The following ANK2 variants were observed in gnomAD, a reference collection of about 807,000 sequenced individuals.
ANK2 encodes ankyrin-2.
Under a neutral mutation model 360.5 loss-of-function variants are expected in ANK2, and 83 were observed. That is an observed-to-expected ratio of 0.23 (90% confidence interval 0.19 to 0.28). The LOEUF is 0.28. ANK2 is among the 10% of genes least tolerant of loss of function. ANK2 has a pLI of 1.00. For synonymous variants in ANK2, 1,740 were observed against 1,759.5 expected (o/e 0.99, Z 0.28); for missense variants, 4,201 against 4,795.7 (o/e 0.88, Z 3.66).
intron 1 of ANK2, among the ~76,000 whole-genome samples, chr4:112,819,352 A>G (rs2056333230): frequency 6.6e-6 from 1 of 152,184 alleles, no homozygotes; most frequent in African/African-American, 2.4e-5. Flanking sequence ...AAGCATTGGA[A>G]AATCTTTATT....
At chr4:113,140,235 A>G (rs2096587459) in intron 1 of ANK2, among the ~76,000 whole-genome samples, 1 of 152,222 alleles carries the variant, frequency 6.6e-6, no homozygotes, top group Non-Finnish European at 1.5e-5. Flanking sequence ...CCTTGGATTC[A>G]TGTGACTATG....
chr4:113,380,255 A>C (rs1237698961), intron 45 of ANK2, among the ~76,000 whole-genome samples: 2 of 123,438 alleles, frequency 1.6e-5, no homozygotes, highest in Admixed American at 1.6e-4. Flanking sequence ...ACTTTACTCT[A>C]AAAAAAAAAA....
At chr4:113,023,767 C>T (rs1446280042) in intron 2 of ANK2, among the ~76,000 whole-genome samples, 2 of 152,232 alleles carry the variant, frequency 1.3e-5, no homozygotes, top group East Asian at 1.9e-4. Context: ...ACAGCACCTA[C>T]ATCAGTTTCT....
chr4:112,890,241 A>T (rs897142702), intron 1 of ANK2, among the ~76,000 whole-genome samples: 1 of 152,206 alleles, frequency 6.6e-6, no homozygotes. Context: ...AAAGAGAAAG[A>T]GCTTTCTTTA....
At chr4:113,311,481 A>G (rs2079928155) in intron 24 of ANK2, 82 bp downstream of exon 24, 2 of 1,527,242 alleles carry the variant, frequency 1.3e-6, no homozygotes, top group South Asian at 2.3e-5. Context: ...ATGTAGATGC[A>G]ATTATTGAGC....
At chr4:112,999,731 A>G (rs2049946003) in intron 2 of ANK2, among the ~76,000 whole-genome samples, 1 of 151,290 alleles carries the variant, frequency 6.6e-6, no homozygotes, top group Non-Finnish European at 1.5e-5. Context: ...ATCATAGAGG[A>G]AAGGTTTTGG....
chr4:112,825,525 A>T (rs915660661), intron 1 of ANK2, among the ~76,000 whole-genome samples: 3 of 152,170 alleles, frequency 2.0e-5, no homozygotes, highest in African/African-American at 7.2e-5. Context: ...GAAGTATCAC[A>T]AGTAATGATA....
At chr4:112,819,802 A>T (rs950045362) in intron 1 of ANK2, among the ~76,000 whole-genome samples, 1 of 152,148 alleles carries the variant, frequency 6.6e-6, no homozygotes. Flanking sequence ...AGCTATATTC[A>T]TCTTGGAAAG....
chr4:112,958,187 C>G (rs974441175), intron 2 of ANK2, among the ~76,000 whole-genome samples: 16 of 151,980 alleles, frequency 1.1e-4, no homozygotes, highest in Admixed American at 3.9e-4. Context: ...ACTTCCCAGA[C>G]GGGGTGGCGG....
chr4:112,771,590 CTT>C, the ANK2 span, among the ~76,000 whole-genome samples: 30 of 147,338 alleles, frequency 2.0e-4, no homozygotes, highest in African/African-American at 7.0e-4. Flanking sequence ...GCTGGGGAAA[CTT>C]TTTTTTTTTT....
At chr4:112,962,125 G>A (rs1017561032) in intron 2 of ANK2, among the ~76,000 whole-genome samples, 2 of 152,046 alleles carry the variant, frequency 1.3e-5, no homozygotes, top group African/African-American at 2.4e-5. Context: ...ATGCAGGTTT[G>A]TTATGTGGAT....
rs775554199 is a variant in ANK2, at chr4:113,012,894, G to T, written c.21+108380G>T. Among the ~76,000 whole-genome samples, 17 of 152,116 alleles carry T rather than the reference G, an allele frequency of 1.1e-4. 1 individual carries two copies. The highest frequency in any genetic ancestry group is 1.0e-3 in the Admixed American group (16 of 15,272). ...TCTCACAGGCCTCTCATCCATAGAT[G>T]CCTATCACTGAGATCTGTATATTTT... On this transcript the variant is annotated intron_variant, in intron 2 of 30. Transcript: ENST00000503271.
intron 2 of ANK2, among the ~76,000 whole-genome samples, chr4:113,036,375 G>A (rs2061607264): frequency 6.6e-6 from 1 of 151,848 alleles, no homozygotes; most frequent in South Asian, 2.1e-4. Context: ...AAGAGATACA[G>A]AAACTGAGGA....
intron 1 of ANK2, among the ~76,000 whole-genome samples, chr4:112,892,162 G>C (rs562069010): frequency 2.9e-4 from 44 of 152,286 alleles, no homozygotes; most frequent in African/African-American, 1.0e-3. Flanking sequence ...CTCTGGGCCA[G>C]TGAAACAGTT....
rs569915263 is a variant in ANK2 at position 112,892,201 on chromosome 4, A to G, written c.-39-12254A>G. Among the ~76,000 whole-genome samples, 224 of 152,300 alleles carry G rather than the reference A, an allele frequency of 1.5e-3. 1 individual carries two copies. Among genetic ancestry groups the G allele is most frequent in the African/African-American group, 5.2e-3 (218 of 41,556 alleles). ...GATTCCAGGGGGAAGGAAGGGATGG[A>G]AATGGAAGAGGCCATTACACAAATG... On this transcript the variant is annotated intron_variant, in intron 1 of 30. Transcript: ENST00000503271.
chr4:113,149,168 C>T (rs141242448), intron 1 of ANK2: 67 of 152,158 alleles, frequency 4.4e-4, no homozygotes, highest in African/African-American at 1.6e-3. Flanking sequence ...CTGAAGTGAA[C>T]AAGGATGGAG....
At chr4:113,023,857 A>G (rs2058691449) in intron 2 of ANK2, among the ~76,000 whole-genome samples, 1 of 152,198 alleles carries the variant, frequency 6.6e-6, no homozygotes, top group African/African-American at 2.4e-5. Context: ...TTTTGATTTA[A>G]TCGTATGTAT....
At chr4:113,268,537 T>TGCC (rs1394805076) in intron 14 of ANK2, among the ~76,000 whole-genome samples, 1 of 152,222 alleles carries the variant, frequency 6.6e-6, no homozygotes, top group African/African-American at 2.4e-5. Context: ...TCTGTTTATG[T>TGCC]GATGGGTTAC....
intron 9 of ANK2, among the ~76,000 whole-genome samples, chr4:113,245,353 A>AG (rs2042281976): frequency 6.6e-6 from 1 of 152,218 alleles, no homozygotes; most frequent in Non-Finnish European, 1.5e-5. Flanking sequence ...AAATAGAAAA[A>AG]TGTTTATATT....
Sources: gnomAD v4.1 joint callset for allele counts (sites outside exome capture counted in the v4.1 genomes callset) on GRCh38, gnomAD v4.1.1 for gene constraint, MANE v1.5 for transcripts, NCBI Gene and HGNC (gene_info 2026-07-23, HGNC 2026-07-21) for gene names.